The following IL1RL2 variants were observed in gnomAD, a reference collection of about 807,000 sequenced individuals.
IL1RL2 encodes interleukin 1 receptor like 2.
Under a neutral mutation model 66.8 loss-of-function variants are expected in IL1RL2, and 68 were observed. That is an observed-to-expected ratio of 1.02 (90% CI 0.84 to 1.25). The LOEUF (loss-of-function observed/expected upper bound fraction) is 1.25. Among genes scored for constraint, IL1RL2 ranks in the 50% most tolerant of loss-of-function variants. IL1RL2 has a pLI of 0.00. For synonymous variants in IL1RL2, 305 were observed against 264.6 expected (o/e 1.15, Z -1.48); for missense variants, 729 against 709.3 (o/e 1.03, Z -0.32).
At chr2:102,192,238 T>G in intron 4 of IL1RL2, 118 bp downstream of exon 4, 1 of 620,110 alleles carries the variant, frequency 1.6e-6, no homozygotes, top group Non-Finnish European at 2.7e-6. Flanking sequence ...GTGCCTAAGA[T>G]AGATTAGTTA....
chr2:102,237,445 C>T (rs1186923241), intron 11 of IL1RL2, among the ~76,000 whole-genome samples: 1 of 152,242 alleles, frequency 6.6e-6, no homozygotes, highest in South Asian at 2.1e-4. Context: ...CGCAGCCACC[C>T]TGCCCACTCC....
At chr2:102,241,028 T>C (rs1406601394), downstream of IL1RL2, among the ~76,000 whole-genome samples, 2 of 152,246 alleles carry the variant, frequency 1.3e-5, no homozygotes, top group Non-Finnish European at 2.9e-5. Context: ...GAGGAACCGC[T>C]GTCCAGCCCG....
intron 5 of IL1RL2, among the ~76,000 whole-genome samples, chr2:102,210,770 C>T (rs946109538): frequency 1.3e-5 from 2 of 152,110 alleles, no homozygotes; most frequent in African/African-American, 2.4e-5. Context: ...GTCATTGCTA[C>T]GTTGAGTATG....
In IL1RL2 at chr2:102,223,240, G is replaced by A. The variant is rs34574179; in HGVS notation, c.992-2658G>A. ...TCACCCTTTTAAATCCAAACCTCTT[G>A]TTGGTTTACTTGGGGACAGAGCTAA... On this transcript the variant is annotated intron_variant, in intron 8 of 11. Transcript: ENST00000264257. Among the ~76,000 whole-genome samples, 345 of 152,278 alleles carry A rather than the reference G, an allele frequency of 2.3e-3. 2 individuals are homozygous for A. The highest frequency in any genetic ancestry group is 7.4e-3 in the African/African-American group (309 of 41,560).
intron 9 of IL1RL2, among the ~76,000 whole-genome samples, chr2:102,227,379 A>G (rs569288205): frequency 2.0e-5 from 3 of 152,088 alleles, no homozygotes; most frequent in African/African-American, 2.4e-5. Flanking sequence ...TGTTGCCCAC[A>G]TGTTTGATAA....
chr2:102,239,581 A>T lies in IL1RL2; in HGVS notation c.*340A>T, dbSNP rs1344549957. On this transcript the variant is annotated 3_prime_UTR_variant, in exon 12 of 12. Transcript: ENST00000264257. Reference sequence around the variant, plus strand: ...GTCATGGTGGGTGAGATCTGGGGGTATCCCTGTGTCATGGTGGGTGAGGGC... The same window carrying T: ...GTCATGGTGGGTGAGATCTGGGGGTTTCCCTGTGTCATGGTGGGTGAGGGC... 1 of 277,048 alleles carries T rather than the reference A, an allele frequency of 3.6e-6. No homozygotes were observed. The highest frequency in any genetic ancestry group is 7.3e-6 in the Non-Finnish European group (1 of 136,900). The allele number at this position is 277,048 out of a possible 1,614,324, so 17.2% of individuals were successfully genotyped here.
chr2:102,191,323 C>T (rs1463178062), intron 3 of IL1RL2, among the ~76,000 whole-genome samples: 1 of 152,086 alleles, frequency 6.6e-6, no homozygotes, highest in African/African-American at 2.4e-5. Context: ...TTATCAAATT[C>T]AGGAAACTTA....
chr2:102,204,857 A>G (rs767399966), intron 5 of IL1RL2, among the ~76,000 whole-genome samples: 5 of 151,884 alleles, frequency 3.3e-5, no homozygotes, highest in Non-Finnish European at 5.9e-5. Context: ...ATTTAATGTT[A>G]TTATTGATAG....
intron 4 of IL1RL2, among the ~76,000 whole-genome samples, chr2:102,199,954 T>C (rs902463724): frequency 6.6e-6 from 1 of 151,942 alleles, no homozygotes; most frequent in Non-Finnish European, 1.5e-5. Context: ...AGCTCAGGTG[T>C]TCGAGACCAG....
At chr2:102,200,303 T>C (rs1165455005) in intron 4 of IL1RL2, among the ~76,000 whole-genome samples, 2 of 152,130 alleles carry the variant, frequency 1.3e-5, no homozygotes, top group Admixed American at 1.3e-4. Flanking sequence ...GTAAGCCTTA[T>C]AGGAAGTAGC....
At position 102,239,237 on chromosome 2, in the gene IL1RL2, G is replaced by T; in HGVS notation, c.1724G>T (p.Gly575Val). ...SRRKKCTLTT[G>V] ...AGAAAGAAGTGTACTCTCACGACTG[G>T]CTAAGACTTGCTGGACTGACACCTA... is the stretch of plus-strand genomic sequence containing the variant. Residue 575 changes from glycine to valine, a missense_variant, in exon 12 of 12, where the codon GGC (glycine) becomes GTC (valine). Physicochemically the swap from Gly to Val is moderately radical, Grantham distance 109 (BLOSUM62 -3). Transcript: ENST00000264257. 1 of 1,613,862 alleles carries T rather than the reference G, an allele frequency of 6.2e-7. No homozygotes were observed. Among genetic ancestry groups the T allele is most frequent in the South Asian group, 1.1e-5 (1 of 91,080 alleles).
chr2:102,193,015 G>C (rs960516016), intron 4 of IL1RL2, among the ~76,000 whole-genome samples: 1 of 151,934 alleles, frequency 6.6e-6, no homozygotes, highest in African/African-American at 2.4e-5. Context: ...TCAAAGTAAG[G>C]TTCACCTTCA....
intron 5 of IL1RL2, among the ~76,000 whole-genome samples, chr2:102,205,211 A>G (rs1307711013): frequency 6.6e-6 from 1 of 151,990 alleles, no homozygotes; most frequent in Non-Finnish European, 1.5e-5. Flanking sequence ...TCTTGTACTC[A>G]CTACACCTTG....
chr2:102,210,821 C>T (rs1310950231), intron 5 of IL1RL2, among the ~76,000 whole-genome samples: 3 of 152,104 alleles, frequency 2.0e-5, no homozygotes, highest in African/African-American at 7.2e-5. Context: ...AGGTCATGGC[C>T]TGTATGGGCA....
At position 102,187,888 on chromosome 2, in the gene IL1RL2, C is replaced by T. The variant is rs1329241787; in HGVS notation, c.21C>T (p.Cys7=). 1 of 1,613,990 alleles carries T rather than the reference C, an allele frequency of 6.2e-7. No individual in the cohort carries two copies. Among genetic ancestry groups the T allele is most frequent in the Admixed American group, 1.7e-5 (1 of 60,016 alleles). The part of the protein sequence containing the change: MWSLLL[C]GLSIALPLSV... ...TGGGGATGTGGTCCTTGCTGCTCTGCGGGTTGTCCATCGCCCTTCCACTGT... is the reference window on the plus strand; with the variant it reads ...TGGGGATGTGGTCCTTGCTGCTCTGTGGGTTGTCCATCGCCCTTCCACTGT... The change falls in exon 2 of 12, where the codon TGC becomes TGT. Residue 7 remains cysteine, a synonymous_variant. Transcript: ENST00000264257.
intron 6 of IL1RL2, 78 bp from the exon 7 acceptor site, chr2:102,218,875 C>G: frequency 8.0e-7 from 1 of 1,254,416 alleles, no homozygotes; most frequent in Non-Finnish European, 1.1e-6. Context: ...GAGTACGATG[C>G]ACTTGTAATC....
At chr2:102,187,308 GC>G in intron 1 of IL1RL2, 1 of 1,175,618 alleles carries the variant, frequency 8.5e-7, no homozygotes, top group Admixed American at 3.7e-5. Context: ...GCGGCTCCCT[GC>G]CTTCCTTTCT....
intron 6 of IL1RL2, among the ~76,000 whole-genome samples, chr2:102,214,501 T>G (rs1476804339): frequency 1.3e-5 from 2 of 152,196 alleles, no homozygotes; most frequent in African/African-American, 4.8e-5. Flanking sequence ...CTTGCCTACA[T>G]GATTAAAAAT....
chr2:102,219,582 G>A (rs1374615774), intron 7 of IL1RL2, among the ~76,000 whole-genome samples: 2 of 152,120 alleles, frequency 1.3e-5, no homozygotes, highest in African/African-American at 4.8e-5. Context: ...AGCTTGTGTT[G>A]GGCCTCGCAG....
Sources: allele counts gnomAD v4.1 joint callset (sites outside exome capture counted in the v4.1 genomes callset), GRCh38; gene constraint gnomAD v4.1.1; transcripts MANE v1.5; gene names NCBI Gene and HGNC (gene_info 2026-07-23, HGNC 2026-07-21).